Variants in RBFOX1 observed in about 807,000 individuals in gnomAD.
RBFOX1 encodes RNA binding protein fox-1 homolog 1.
Under a neutral mutation model 57.7 loss-of-function variants are expected in RBFOX1, and 8 were observed. The ratio of observed to expected loss-of-function variants is 0.14; its 90% CI spans 0.08 to 0.25. The LOEUF (loss-of-function observed/expected upper bound fraction) is 0.25. Among genes scored for constraint, RBFOX1 ranks in the 10% least tolerant of loss-of-function variants. RBFOX1 has a pLI of 1.00. For missense variants in RBFOX1, 611 were observed against 548.5 expected (o/e 1.11, Z -1.14); for synonymous variants, 326 against 222.4 (o/e 1.47, Z -4.15).
intron 1 of RBFOX1, among the ~76,000 whole-genome samples, chr16:6,304,735 A>T (rs1481343780): frequency 2.6e-5 from 4 of 151,762 alleles, no homozygotes; most frequent in Non-Finnish European, 5.9e-5. Context: ...AAATACAAAA[A>T]CTAGCCAGGT....
chr16:5,758,729 A>G (rs2053485172), intron 3 of RBFOX1, among the ~76,000 whole-genome samples: 1 of 152,194 alleles, frequency 6.6e-6, no homozygotes, highest in African/African-American at 2.4e-5. Flanking sequence ...GAAGACGTGG[A>G]ATGGTAAATT....
intron 1 of RBFOX1, among the ~76,000 whole-genome samples, chr16:6,080,597 A>G (rs1442789834): frequency 6.6e-6 from 1 of 152,242 alleles, no homozygotes; most frequent in Non-Finnish European, 1.5e-5. Context: ...GATTCTTTAC[A>G]TCAAATGACA....
chr16:7,312,832 TC>T (rs956144284), intron 4 of RBFOX1, among the ~76,000 whole-genome samples: 2 of 152,114 alleles, frequency 1.3e-5, no homozygotes, highest in African/African-American at 4.8e-5. Flanking sequence ...TGAAGTTTAT[TC>T]CCATAAGCTT....
intron 2 of RBFOX1, among the ~76,000 whole-genome samples, chr16:6,541,548 G>A (rs999651832): frequency 3.3e-5 from 5 of 152,174 alleles, no homozygotes; most frequent in African/African-American, 9.7e-5. Flanking sequence ...ATAGTGAATG[G>A]AATATTTTTT....
At chr16:5,977,642 C>T (rs1039485114) in intron 4 of RBFOX1, among the ~76,000 whole-genome samples, 1 of 152,100 alleles carries the variant, frequency 6.6e-6, no homozygotes, top group Non-Finnish European at 1.5e-5. Flanking sequence ...AGAGCAGCCA[C>T]AGAGAAGAGA....
rs1319185243 is a variant in RBFOX1, at chr16:7,688,260, T to TGTGAGAGAGAGAGA, written c.995+11423_995+11424insTGAGAGAGAGAGAG. 2.1e-3 allele frequency among the ~76,000 whole-genome samples: 257 copies of TGTGAGAGAGAGAGA among 125,354 alleles called. 2 individuals carry two copies. The highest frequency in any genetic ancestry group is 5.4e-3 in the African/African-American group (183 of 33,744). The allele number at this position is 125,354 out of a possible 152,430, so 82.2% of individuals were successfully genotyped here. On this transcript the variant is annotated intron_variant, in intron 14 of 15. Transcript: ENST00000550418. ...GTGTGTGTGTGTGTGTGTGTGTGTGTGAGAGAGAGAGAGAGAGAGAGAGAT... is the reference window on the plus strand; with the variant it reads ...GTGTGTGTGTGTGTGTGTGTGTGTGTGTGAGAGAGAGAGAGAGAGAGAGAGAGAGAGAGAGAGAT...
At chr16:6,886,082 A>ATTT (rs2063959478) in intron 3 of RBFOX1, among the ~76,000 whole-genome samples, 1 of 125,496 alleles carries the variant, frequency 8.0e-6, no homozygotes, top group African/African-American at 3.4e-5. Flanking sequence ...TTTTTTTTTG[A>ATTT]GACGGAGTCT....
At chr16:5,880,946 T>G (rs2057746808) in intron 4 of RBFOX1, among the ~76,000 whole-genome samples, 1 of 152,236 alleles carries the variant, frequency 6.6e-6, no homozygotes, top group Non-Finnish European at 1.5e-5. Context: ...TTATGATATT[T>G]TGAGATATCT....
chr16:6,705,991 C>T (rs567391095), intron 3 of RBFOX1, among the ~76,000 whole-genome samples: 2 of 152,246 alleles, frequency 1.3e-5, no homozygotes, highest in East Asian at 3.9e-4. Context: ...GAACTCCAGC[C>T]TGGGTGAAAG....
chr16:6,599,647 A>C (rs1022791655), intron 2 of RBFOX1, among the ~76,000 whole-genome samples: 2 of 152,136 alleles, frequency 1.3e-5, no homozygotes, highest in Admixed American at 6.5e-5. Flanking sequence ...TGACACTAAT[A>C]CTATTCAGCA....
intron 3 of RBFOX1, among the ~76,000 whole-genome samples, chr16:6,863,988 C>G (rs1216968121): frequency 1.0e-5 from 1 of 96,558 alleles, no homozygotes; most frequent in Non-Finnish European, 2.1e-5. Context: ...TCTTTATGTT[C>G]CTTTTTTTTT....
At chr16:6,126,560 C>A (rs757087486) in intron 1 of RBFOX1, among the ~76,000 whole-genome samples, 1 of 152,142 alleles carries the variant, frequency 6.6e-6, no homozygotes, top group Non-Finnish European at 1.5e-5. Context: ...AAACTATCTT[C>A]CATATGGCTT....
intron 1 of RBFOX1, chr16:5,366,341 T>C (rs2037190743): frequency 2.7e-6 from 1 of 364,154 alleles, no homozygotes; most frequent in Admixed American, 3.5e-5. Context: ...TTGATGATGA[T>C]GATGATTTTG....
intron 2 of RBFOX1, among the ~76,000 whole-genome samples, chr16:5,559,589 T>C (rs1011910610): frequency 3.3e-5 from 5 of 152,154 alleles, no homozygotes; most frequent in African/African-American, 1.2e-4. Flanking sequence ...CCTGGCCTGG[T>C]TCCCCTGCCC....
intron 13 of RBFOX1, among the ~76,000 whole-genome samples, chr16:7,673,047 C>T (rs1346731569): frequency 6.6e-6 from 1 of 151,908 alleles, no homozygotes; most frequent in Non-Finnish European, 1.5e-5. Context: ...TAAAGGGAGC[C>T]TTTACCCCTA....
intron 3 of RBFOX1, among the ~76,000 whole-genome samples, chr16:6,724,751 A>G (rs1379096586): frequency 6.6e-6 from 1 of 151,982 alleles, no homozygotes; most frequent in Non-Finnish European, 1.5e-5. Context: ...TTTTATTCTA[A>G]GTTCTGGGGT....
chr16:6,858,367 G>T (rs952456283), intron 3 of RBFOX1, among the ~76,000 whole-genome samples: 5 of 152,248 alleles, frequency 3.3e-5, no homozygotes, highest in Non-Finnish European at 5.9e-5. Flanking sequence ...GAGCAGATTC[G>T]TGATACTTTC....
At chr16:6,749,315 T>C (rs2074434414) in intron 3 of RBFOX1, among the ~76,000 whole-genome samples, 1 of 152,138 alleles carries the variant, frequency 6.6e-6, no homozygotes, top group Admixed American at 6.6e-5. Context: ...AGAGAACAGA[T>C]GCACACAGGA....
intron 4 of RBFOX1, among the ~76,000 whole-genome samples, chr16:6,004,383 G>A (rs1334583855): frequency 1.3e-5 from 2 of 152,100 alleles, no homozygotes; most frequent in African/African-American, 4.8e-5. Context: ...GTCATAATGA[G>A]GGTTTACATA....
Sources: allele counts gnomAD v4.1 joint callset (sites outside exome capture counted in the v4.1 genomes callset), GRCh38; gene constraint gnomAD v4.1.1; transcripts MANE v1.5; gene names NCBI Gene and HGNC (gene_info 2026-07-23, HGNC 2026-07-21).